RMC1: variants seen among roughly 807,000 people sequenced by gnomAD.
RMC1 encodes the protein regulator of MON1-CCZ1, also known as regulator of MON1-CCZ1 complex.
RMC1 carries 44 observed loss-of-function variants against 95.5 expected under a neutral mutation model. That is an observed-to-expected ratio of 0.46 (90% CI 0.36 to 0.59). The LOEUF (loss-of-function observed/expected upper bound fraction) is 0.59. Among genes scored for constraint, RMC1 ranks in the 20% least tolerant of loss-of-function variants. RMC1 has a pLI of 0.00. For synonymous variants in RMC1, 320 were observed against 303.6 expected, an observed-to-expected ratio of 1.05 and a Z score of -0.56; for missense variants, 705 against 819.6, an observed-to-expected ratio of 0.86 and a Z score of 1.71.
intron 19 of RMC1, among the ~76,000 whole-genome samples, chr18:23,531,252 G>A (rs2058494539): frequency 1.3e-5 from 2 of 152,102 alleles, no homozygotes; most frequent in Non-Finnish European, 2.9e-5. Context: ...GCCTCCCAAA[G>A]TGCTGGGATT....
chr18:23,529,560 G>A, intron 15 of RMC1, 75 bp from the exon 16 acceptor site: 8 of 1,373,902 alleles, frequency 5.8e-6, no homozygotes, highest in Non-Finnish European at 8.3e-6. Flanking sequence ...ACAAGGTGGG[G>A]GTTGGATAGA....
At chr18:23,510,237 T>C (rs1418096164) in intron 5 of RMC1, among the ~76,000 whole-genome samples, 1 of 151,306 alleles carries the variant, frequency 6.6e-6, no homozygotes, top group Non-Finnish European at 1.5e-5. Context: ...AGTGGGAGGA[T>C]TGCTTGAGCC....
At chr18:23,503,789 C>G in intron 1 of RMC1, 69 bp downstream of exon 1, 1 of 1,346,106 alleles carries the variant, frequency 7.4e-7, no homozygotes, top group East Asian at 3.0e-5. Context: ...AGGCCGGTCC[C>G]GCGCGACCAG....
intron 6 of RMC1, 73 bp from the exon 7 acceptor site, chr18:23,516,247 G>T (rs1005246041): frequency 2.9e-5 from 44 of 1,535,866 alleles, no homozygotes; most frequent in Non-Finnish European, 3.9e-5. Flanking sequence ...ATCCTTGTTG[G>T]TTTTACACAG....
chr18:23,506,850 T>G, intron 2 of RMC1, 120 bp from the exon 3 acceptor site: 1 of 718,142 alleles, frequency 1.4e-6, no homozygotes, highest in Non-Finnish European at 2.4e-6. Flanking sequence ...GAAACATAAT[T>G]TTAATTTTAG....
intron 15 of RMC1, 40 bp from the exon 16 acceptor site, chr18:23,529,595 C>T: frequency 6.5e-7 from 1 of 1,546,386 alleles, no homozygotes; most frequent in Non-Finnish European, 8.9e-7. Flanking sequence ...CTCTTTTGCA[C>T]CTCGTTGGTA....
chr18:23,510,967 A>G (rs767095505), intron 5 of RMC1, among the ~76,000 whole-genome samples: 3 of 152,224 alleles, frequency 2.0e-5, no homozygotes, highest in Non-Finnish European at 4.4e-5. Flanking sequence ...TAGCAGCCCC[A>G]TTACTGGGTG....
Position 23,515,887 on chromosome 18 carries a change from T to C in RMC1, c.440T>C (p.Leu147Ser), listed in dbSNP as rs777245200. The part of the protein sequence containing the change: ...VLPEKRSLKL[L>S]KSHNLNVNWY... ...CCAGAGAAACGGAGTCTGAAACTCT[T>C]GAAGAGCCACAATCTCAATGTGAAT... The change falls in exon 6 of 20, where the codon TTG becomes TCG. Residue 147 changes from leucine to serine, a missense_variant. Transcript: ENST00000269221. 1.2e-6 allele frequency: 2 copies of C among 1,614,156 alleles called. No individual in the cohort carries two copies. Among genetic ancestry groups the C allele is most frequent in the Non-Finnish European group, 1.7e-6 (2 of 1,180,028 alleles).
intron 10 of RMC1, among the ~76,000 whole-genome samples, chr18:23,523,540 T>G (rs2058200203): frequency 2.9e-5 from 1 of 34,044 alleles, no homozygotes; most frequent in Admixed American, 4.9e-4. Flanking sequence ...GACCTTGTCT[T>G]CACAAAAAAA....
intron 5 of RMC1, among the ~76,000 whole-genome samples, chr18:23,513,673 T>C (rs1467837523): frequency 6.6e-6 from 1 of 152,208 alleles, no homozygotes; most frequent in African/African-American, 2.4e-5. Context: ...TGTACAAGGG[T>C]CCCAGTTTCT....
At chr18:23,505,682 T>C (rs1016734551) in intron 2 of RMC1, among the ~76,000 whole-genome samples, 4 of 152,072 alleles carry the variant, frequency 2.6e-5, no homozygotes, top group African/African-American at 4.8e-5. Context: ...CAGCGAGCCA[T>C]GTGTGGTGAA....
rs746907912 is a variant in RMC1 at position 23,529,239 on chromosome 18, G to A, written c.1357G>A (p.Ala453Thr). The change falls in exon 15 of 20, where the codon GCG (alanine) becomes ACG (threonine). Residue 453 changes from alanine (A) to threonine (T), a missense_variant. By Grantham distance (58) the Ala-to-Thr change is moderately conservative. Coordinates refer to ENST00000269221, the MANE Select transcript of RMC1 (RefSeq NM_013326.5). ...PLLKRPVRTQ[A>T]VLDQSDVYTH... ...CCTCAAGAGGCCGGTGCGGACCCAG[G>A]CGGTGCTGGACCAGTCAGATGTGTA... The A allele has an allele frequency of 3.1e-6, 5 of 1,613,972 alleles. No homozygotes were observed. The highest frequency in any genetic ancestry group is 2.2e-5 in the East Asian group (1 of 44,906).
chr18:23,520,146 G>A (rs962145255), intron 9 of RMC1, 56 bp from the exon 10 acceptor site: 2 of 1,355,096 alleles, frequency 1.5e-6, no homozygotes, highest in Non-Finnish European at 2.1e-6. Flanking sequence ...TGGAATGAAA[G>A]CAACTGGGCA....
chr18:23,531,670 G>A lies in RMC1; in HGVS notation c.1940G>A (p.Gly647Glu). 1 of 1,613,322 alleles carries A rather than the reference G, an allele frequency of 6.2e-7. No individual in the cohort carries two copies. The highest frequency in any genetic ancestry group is 1.1e-5 in the South Asian group (1 of 90,754). The stretch of plus-strand genomic sequence containing the variant: ...GTTGCTTTTTTCAAACAGATTTTTG[G>A]AGACCAAGCTCTAATGAGGCCTACA... ...EHVAFFKQIF[G>E]DQALMRPTTF Residue 647 changes from glycine (G) to glutamate (E), a missense_variant, in exon 20 of 20, where the codon GGA (glycine) becomes GAA (glutamate). Coordinates refer to ENST00000269221, the MANE Select transcript of RMC1 (RefSeq NM_013326.5).
chr18:23,527,006 AG>A (rs1256100194), intron 13 of RMC1, among the ~76,000 whole-genome samples: 1 of 152,112 alleles, frequency 6.6e-6, no homozygotes, highest in Non-Finnish European at 1.5e-5. Flanking sequence ...GGCACACAGG[AG>A]GGGAGTGGGC....
chr18:23,512,195 ATT>A (rs1421934457), intron 5 of RMC1, among the ~76,000 whole-genome samples: 1 of 151,464 alleles, frequency 6.6e-6, no homozygotes, highest in African/African-American at 2.4e-5. Context: ...TAATTTTTGT[ATT>A]TTTAGAAGAG....
chr18:23,526,335 C>T (rs73967111), intron 12 of RMC1, among the ~76,000 whole-genome samples: 41 of 152,274 alleles, frequency 2.7e-4, no homozygotes, highest in East Asian at 2.3e-3. Flanking sequence ...GGGAAGTCCC[C>T]GTTTGGAATG....
chr18:23,519,374 C>T (rs1445388324), intron 9 of RMC1, among the ~76,000 whole-genome samples, 200 bp downstream of exon 9: 5 of 151,920 alleles, frequency 3.3e-5, no homozygotes, highest in East Asian at 3.9e-4. Context: ...AAAAATTAGC[C>T]GGGCGTGGTA....
chr18:23,517,032 A>T (rs1390885397), intron 7 of RMC1, among the ~76,000 whole-genome samples: 1 of 151,818 alleles, frequency 6.6e-6, no homozygotes, highest in Non-Finnish European at 1.5e-5. Context: ...GGCCAAGTTT[A>T]TTTTTTTTAA....
Sources: gnomAD v4.1 joint callset for allele counts (sites outside exome capture counted in the v4.1 genomes callset) on GRCh38, gnomAD v4.1.1 for gene constraint, MANE v1.5 for transcripts, NCBI Gene and HGNC (gene_info 2026-07-23, HGNC 2026-07-21) for gene names.